CFAP20DC: variants seen among roughly 807,000 people sequenced by gnomAD.
The protein encoded by CFAP20DC is CFAP20 domain containing.
A neutral mutation model predicts 101.7 loss-of-function variants in CFAP20DC; 84 were observed. The observed-to-expected ratio is 0.83, with a 90% CI of 0.69 to 0.99. The LOEUF (loss-of-function observed/expected upper bound fraction) is 0.99. Among genes scored for constraint, CFAP20DC ranks in the 50% least tolerant of loss-of-function variants. The pLI, the probability that CFAP20DC is intolerant of heterozygous loss-of-function variation, is 0.00. For synonymous variants in CFAP20DC, 359 were observed against 351.2 expected (o/e 1.02, Z -0.25); for missense variants, 1,007 against 970.3 (o/e 1.04, Z -0.50).
At chr3:58,791,978 T>C (rs377735854) in intron 15 of CFAP20DC, among the ~76,000 whole-genome samples, 1 of 152,148 alleles carries the variant, frequency 6.6e-6, no homozygotes, top group Non-Finnish European at 1.5e-5. Context: ...AATACAACCA[T>C]GTACTTGGAA....
chr3:58,962,086 T>G (rs1349024292), intron 4 of CFAP20DC, among the ~76,000 whole-genome samples: 1 of 152,228 alleles, frequency 6.6e-6, no homozygotes, highest in Non-Finnish European at 1.5e-5. Context: ...CTTTCTAGTT[T>G]CTTAGGGTGG....
At chr3:59,034,883 G>A (rs1235741936) in intron 4 of CFAP20DC, among the ~76,000 whole-genome samples, 2 of 152,128 alleles carry the variant, frequency 1.3e-5, no homozygotes, top group African/African-American at 2.4e-5. Flanking sequence ...CAAATCAACA[G>A]AATATACATT....
At chr3:58,811,990 C>CA (rs1189776852) in intron 14 of CFAP20DC, among the ~76,000 whole-genome samples, 1 of 152,136 alleles carries the variant, frequency 6.6e-6, no homozygotes, top group African/African-American at 2.4e-5. Context: ...AAATGCAAAT[C>CA]AAAACCACAA....
chr3:58,795,236 T>C lies in CFAP20DC; in HGVS notation c.2237+11159A>G, dbSNP rs1398457967. 6.6e-6 allele frequency among the ~76,000 whole-genome samples: 1 copy of C among 152,246 alleles called. No homozygotes were observed. The highest frequency in any genetic ancestry group is 1.5e-5 in the Non-Finnish European group (1 of 68,042). On this transcript the variant is annotated intron_variant, in intron 15 of 16. Transcript: ENST00000482387. This position sits in a 1 kb window ranked among gnomAD's most constrained non-coding sequence, Gnocchi z 4.2. ...AATAATTGCTTTGGTAATTACCTTC[T>C]TTAACTGGATTGTGGGCCAAAGGTA...
chr3:58,727,495 G>A (rs1045601878), intron 3 of CFAP20DC: 1 of 152,214 alleles, frequency 6.6e-6, no homozygotes, highest in Admixed American at 6.5e-5. Flanking sequence ...GGAGTGCAGT[G>A]GCGCAATCTC....
At chr3:59,010,817 C>T (rs1298565782) in intron 4 of CFAP20DC, among the ~76,000 whole-genome samples, 1 of 152,096 alleles carries the variant, frequency 6.6e-6, no homozygotes, top group Non-Finnish European at 1.5e-5. Context: ...GGCCAAAAAA[C>T]AAGTCTCAAT....
At chr3:58,890,338 G>T (rs2106762041) in intron 6 of CFAP20DC, among the ~76,000 whole-genome samples, 1 of 146,290 alleles carries the variant, frequency 6.8e-6, no homozygotes, top group East Asian at 2.1e-4. Context: ...CCCGGACGGG[G>T]CGGCTGGCCG....
At chr3:58,755,515 C>G (rs1453715372) in intron 15 of CFAP20DC, among the ~76,000 whole-genome samples, 1 of 152,112 alleles carries the variant, frequency 6.6e-6, no homozygotes, top group Non-Finnish European at 1.5e-5. Flanking sequence ...AGCTACAAAT[C>G]AGAAACTATA....
intron 4 of CFAP20DC, among the ~76,000 whole-genome samples, chr3:58,952,341 C>T (rs926873542): frequency 1.5e-4 from 23 of 152,104 alleles, no homozygotes; most frequent in African/African-American, 5.6e-4. Context: ...TCTCATCATC[C>T]TACTCCATCC....
rs2073150662 is a variant in CFAP20DC, at chr3:58,795,199, A to T, written c.2237+11196T>A. On this transcript the variant is annotated intron_variant, in intron 15 of 16. Coordinates refer to ENST00000482387, the MANE Select transcript of CFAP20DC (RefSeq NM_001394063.1). The surrounding 1 kb of genome is among the most constrained non-coding windows in gnomAD (Gnocchi z 4.2). Reference sequence around the variant, plus strand: ...TAATTAAAAGCTGAAACTATAAAACATTAGAATGGTAAATAATTGCTTTGG... The same window carrying T: ...TAATTAAAAGCTGAAACTATAAAACTTTAGAATGGTAAATAATTGCTTTGG... Among the ~76,000 whole-genome samples the T allele has an allele frequency of 6.6e-6, 1 of 152,186 alleles. No individual in the cohort carries two copies. Among genetic ancestry groups the T allele is most frequent in the Non-Finnish European group, 1.5e-5 (1 of 68,032 alleles).
chr3:59,013,927 T>A (rs1276318125), intron 4 of CFAP20DC, among the ~76,000 whole-genome samples: 1 of 152,188 alleles, frequency 6.6e-6, no homozygotes, highest in African/African-American at 2.4e-5. Context: ...AGAATTAATT[T>A]GATCTATTTT....
chr3:58,959,325 C>T (rs2090926426), intron 4 of CFAP20DC, among the ~76,000 whole-genome samples: 1 of 152,178 alleles, frequency 6.6e-6, no homozygotes, highest in Non-Finnish European at 1.5e-5. Context: ...AACTCCTGAC[C>T]TTAGGTCATA....
At chr3:58,934,655 G>C (rs1385289324) in intron 5 of CFAP20DC, among the ~76,000 whole-genome samples, 1 of 152,086 alleles carries the variant, frequency 6.6e-6, no homozygotes, top group Non-Finnish European at 1.5e-5. Flanking sequence ...CATATAAACA[G>C]AACCAAAGAC....
At chr3:58,764,497 G>A (rs1189452516) in intron 15 of CFAP20DC, among the ~76,000 whole-genome samples, 4 of 152,188 alleles carry the variant, frequency 2.6e-5, no homozygotes, top group Non-Finnish European at 5.9e-5. Context: ...GTGAGGCGAT[G>A]CCTCGCCCTG....
intron 4 of CFAP20DC, among the ~76,000 whole-genome samples, chr3:58,988,232 C>T (rs1175045742): frequency 6.6e-6 from 1 of 151,964 alleles, no homozygotes; most frequent in African/African-American, 2.4e-5. Flanking sequence ...AAAAAGCATT[C>T]AATGAAATTC....
At chr3:58,865,087 C>CTT (rs151128888) in intron 11 of CFAP20DC, among the ~76,000 whole-genome samples, 4 of 134,836 alleles carry the variant, frequency 3.0e-5, no homozygotes, top group African/African-American at 8.1e-5. Context: ...TCAATGTAGT[C>CTT]TTTTTTTTTT....
intron 4 of CFAP20DC, among the ~76,000 whole-genome samples, chr3:59,010,757 C>A (rs371219358): frequency 8.1e-4 from 124 of 152,290 alleles, no homozygotes; most frequent in Middle Eastern, 3.4e-3. Flanking sequence ...GCAGGATATA[C>A]ATTCTGCTCA....
Position 58,869,488 on chromosome 3 carries a change from T to G in CFAP20DC, c.855A>C (p.Thr285=). The change falls in exon 9 of 17, where the codon ACA becomes ACC. Residue 285 remains threonine, a splice_region_variant and synonymous_variant. Coordinates refer to ENST00000482387, the MANE Select transcript of CFAP20DC (RefSeq NM_001394063.1). The surrounding 1 kb of genome is among the most constrained non-coding windows in gnomAD (Gnocchi z 4.3). ...RRNNMKISSE[T]VRSVGSKNNR... ...TATTTTTGGACCCAACGGATCTCAC[T>G]GTCTGTAAAGGAATTAATCTGTACA... 6.2e-7 allele frequency: 1 copy of G among 1,607,058 alleles called. No homozygotes were observed.
intron 4 of CFAP20DC, among the ~76,000 whole-genome samples, chr3:59,036,673 T>C (rs2094109476): frequency 6.6e-6 from 1 of 152,208 alleles, no homozygotes; most frequent in Middle Eastern, 3.2e-3. Flanking sequence ...AAACATCCCA[T>C]GCTCATGGAT....
Sources: allele counts gnomAD v4.1 joint callset (sites outside exome capture counted in the v4.1 genomes callset), GRCh38; gene constraint gnomAD v4.1.1; non-coding constraint Gnocchi (gnomAD v3.1); transcripts MANE v1.5; gene names NCBI Gene and HGNC (gene_info 2026-07-23, HGNC 2026-07-21).